The following MIPOL1 variants were observed in gnomAD, a reference collection of about 807,000 sequenced individuals.
The protein encoded by MIPOL1 is mirror-image polydactyly 1.
MIPOL1 carries 57 observed loss-of-function variants against 60.9 expected under a neutral mutation model. The ratio of observed to expected loss-of-function variants is 0.94; its 90% confidence interval spans 0.76 to 1.17. The LOEUF is 1.17. Among genes scored for constraint, MIPOL1 ranks in the 50% most tolerant of loss-of-function variants. MIPOL1 has a pLI of 0.00. For missense variants in MIPOL1, 551 were observed against 511.6 expected (o/e 1.08, Z -0.74); for synonymous variants, 179 against 168.8 (o/e 1.06, Z -0.47).
chr14:37,286,827 A>T (rs1193875509), intron 7 of MIPOL1, among the ~76,000 whole-genome samples: 5 of 152,186 alleles, frequency 3.3e-5, no homozygotes, highest in Admixed American at 1.3e-4. Context: ...ATTCCAAAAT[A>T]ACCATCTTTA....
chr14:37,527,394 T>C (rs1318917023), intron 12 of MIPOL1, among the ~76,000 whole-genome samples: 1 of 152,106 alleles, frequency 6.6e-6, no homozygotes, highest in Non-Finnish European at 1.5e-5. Flanking sequence ...AACTTAGCCG[T>C]TGTGTTATTT....
chr14:37,457,821 C>T (rs112059585), intron 11 of MIPOL1, among the ~76,000 whole-genome samples: 1 of 152,156 alleles, frequency 6.6e-6, no homozygotes, highest in Non-Finnish European at 1.5e-5. Context: ...ACTAAATCAC[C>T]TGTAGTATCA....
At chr14:37,457,083 A>G (rs2094484862) in intron 11 of MIPOL1, among the ~76,000 whole-genome samples, 1 of 152,214 alleles carries the variant, frequency 6.6e-6, no homozygotes, top group African/African-American at 2.4e-5. Context: ...TCATGAAAAG[A>G]TAAAATTTGA....
At chr14:37,372,171 T>C (rs1443580716) in intron 10 of MIPOL1, among the ~76,000 whole-genome samples, 5 of 152,108 alleles carry the variant, frequency 3.3e-5, no homozygotes, top group African/African-American at 9.6e-5. Context: ...TTTTATTGAA[T>C]TACACTGAAA....
chr14:37,198,281 C>G (rs1390639299), intron 1 of MIPOL1, 177 bp downstream of exon 1: 1 of 152,378 alleles, frequency 6.6e-6, no homozygotes, highest in East Asian at 1.9e-4. Flanking sequence ...TCTCGAAGGT[C>G]AGTGTCGTGG....
intron 10 of MIPOL1, among the ~76,000 whole-genome samples, chr14:37,418,173 T>A (rs1242522415): frequency 6.6e-6 from 1 of 152,194 alleles, no homozygotes; most frequent in Non-Finnish European, 1.5e-5. Context: ...TATCAGACTA[T>A]AACTATTAAA....
At chr14:37,437,232 T>G (rs1303592601) in intron 11 of MIPOL1, among the ~76,000 whole-genome samples, 1 of 152,126 alleles carries the variant, frequency 6.6e-6, no homozygotes, top group Non-Finnish European at 1.5e-5. Context: ...GAATCACAAC[T>G]GAACAATATT....
intron 12 of MIPOL1, among the ~76,000 whole-genome samples, chr14:37,519,413 G>A (rs911958861): frequency 1.3e-5 from 2 of 152,088 alleles, no homozygotes; most frequent in Non-Finnish European, 2.9e-5. Context: ...AAGAAACTAC[G>A]AGGTAAAGAA....
At chr14:37,545,721 T>C in intron 12 of MIPOL1, 2 of 638,710 alleles carry the variant, frequency 3.1e-6, no homozygotes, top group Non-Finnish European at 5.6e-6. Flanking sequence ...CAGCATTATA[T>C]GCAGTTGATT....
At position 37,351,053 on chromosome 14, in the gene MIPOL1, C is replaced by G. The variant is rs1489828519; in HGVS notation, c.829-18464C>G. Among the ~76,000 whole-genome samples the G allele has an allele frequency of 1.3e-3, 32 of 24,278 alleles. 2 individuals carry two copies. The highest frequency in any genetic ancestry group is 5.9e-3 in the African/African-American group (30 of 5,112). 15.9% of individuals were successfully genotyped at this position (24,278 alleles called of 152,430 possible). A position where few individuals can be genotyped will look rare whatever the true frequency, so the allele number is the denominator to read the frequency against. ...AGGTATATCTCCCAATGCTATCCCT[C>G]CCCCCTCCCCCCACCCCACAACGGT... On this transcript the variant is annotated intron_variant, in intron 9 of 12. Coordinates refer to ENST00000684589, the MANE Select transcript of MIPOL1 (RefSeq NM_001388067.1).
rs1256089613 is a variant in MIPOL1, at chr14:37,550,600, A to T, written c.*3629A>T. Reference sequence around the variant, plus strand: ...CTCCAGTGATTTCAGTGTTTTGTTCATGTTTTATTGGAAATGCACGTGGTT... The same window carrying T: ...CTCCAGTGATTTCAGTGTTTTGTTCTTGTTTTATTGGAAATGCACGTGGTT... On this transcript the variant is annotated 3_prime_UTR_variant, in exon 13 of 13. Transcript: ENST00000684589. The T allele has an allele frequency of 2.0e-5, 3 of 152,344 alleles. No individual in the cohort carries two copies. Among genetic ancestry groups the T allele is most frequent in the Non-Finnish European group, 4.4e-5 (3 of 67,916 alleles). 9.4% of individuals were successfully genotyped at this position (152,344 alleles called of 1,614,324 possible).
intron 9 of MIPOL1, among the ~76,000 whole-genome samples, chr14:37,312,647 T>C (rs1595075787): frequency 6.6e-6 from 1 of 152,200 alleles, no homozygotes. Flanking sequence ...CTTATACTCT[T>C]TATTTATCCC....
chr14:37,503,771 G>T (rs2095248171), intron 12 of MIPOL1: 1 of 152,140 alleles, frequency 6.6e-6, no homozygotes. Context: ...AACCTTAAAT[G>T]GAAATGGGCT....
chr14:37,308,297 A>G, intron 8 of MIPOL1, 52 bp from the exon 9 acceptor site: 1 of 1,395,322 alleles, frequency 7.2e-7, no homozygotes, highest in African/African-American at 1.5e-5. Flanking sequence ...CCCTATATTA[A>G]ATAAAATATA....
chr14:37,286,198 T>G (rs1415703579), intron 7 of MIPOL1, among the ~76,000 whole-genome samples: 2 of 152,336 alleles, frequency 1.3e-5, no homozygotes, highest in African/African-American at 4.8e-5. Flanking sequence ...ATGTGAGTGA[T>G]ACTTGAATAG....
At chr14:37,477,747 A>G (rs1383282224) in intron 11 of MIPOL1, among the ~76,000 whole-genome samples, 1 of 152,168 alleles carries the variant, frequency 6.6e-6, no homozygotes, top group East Asian at 1.9e-4. Context: ...GCTGCAATAT[A>G]TCTTTTCTGT....
intron 10 of MIPOL1, among the ~76,000 whole-genome samples, chr14:37,392,670 C>T (rs561459766): frequency 2.0e-5 from 3 of 152,010 alleles, no homozygotes; most frequent in Non-Finnish European, 4.4e-5. Flanking sequence ...TTGTAAATAT[C>T]CTTTATCCCT....
At chr14:37,286,219 A>G (rs961072714) in intron 7 of MIPOL1, among the ~76,000 whole-genome samples, 1 of 152,172 alleles carries the variant, frequency 6.6e-6, no homozygotes, top group Non-Finnish European at 1.5e-5. Flanking sequence ...GGTGGAGCCT[A>G]AGAATCTACA....
rs113858275 is a variant in MIPOL1, at chr14:37,464,620, T to C, written c.1032-35288T>C. On this transcript the variant is annotated intron_variant, in intron 11 of 12. Transcript: ENST00000684589. ...GAAGAAGGAGGTGAGGGTTGAAAAA[T>C]TGCCTGTTGGGTACAATGTTCACTA... Among the ~76,000 whole-genome samples, 349 of 152,132 alleles carry C rather than the reference T, an allele frequency of 2.3e-3. 3 individuals carry two copies. The highest frequency in any genetic ancestry group is 7.7e-3 in the African/African-American group (321 of 41,500).
Sources: allele counts gnomAD v4.1 joint callset (sites outside exome capture counted in the v4.1 genomes callset), GRCh38; gene constraint gnomAD v4.1.1; transcripts MANE v1.5; gene names NCBI Gene and HGNC (gene_info 2026-07-23, HGNC 2026-07-21).